The following PARD3 variants were observed in gnomAD, a reference collection of about 807,000 sequenced individuals.
PARD3 encodes partitioning defective 3 homolog.
A neutral mutation model predicts 155.4 loss-of-function variants in PARD3; 75 were observed. The ratio of observed to expected loss-of-function variants is 0.48; its 90% CI spans 0.40 to 0.58. The LOEUF is 0.58. Ranked by LOEUF, PARD3 falls within the 20% of genes least tolerant of loss-of-function variation. The pLI is 0.00. For synonymous variants in PARD3, 576 were observed against 610.5 expected (o/e 0.94, Z 0.83); for missense variants, 1,642 against 1,721.7 (o/e 0.95, Z 0.82).
chr10:34,136,522 G>A (rs984128830), intron 22 of PARD3, among the ~76,000 whole-genome samples: 2 of 151,930 alleles, frequency 1.3e-5, no homozygotes, highest in African/African-American at 2.4e-5. Flanking sequence ...AGGTGGTCTC[G>A]GTATACACTA....
chr10:34,463,221 G>C (rs1366934969), intron 4 of PARD3, among the ~76,000 whole-genome samples: 1 of 136,834 alleles, frequency 7.3e-6, no homozygotes, highest in Non-Finnish European at 1.6e-5. Context: ...GGAAAGAAAA[G>C]GGGAAGGGGA....
chr10:34,765,773 C>G (rs571738951), intron 1 of PARD3, among the ~76,000 whole-genome samples: 2 of 152,128 alleles, frequency 1.3e-5, no homozygotes, highest in African/African-American at 2.4e-5. Flanking sequence ...AAGAAGAGAC[C>G]TTAATGGTAG....
intron 2 of PARD3, among the ~76,000 whole-genome samples, chr10:34,527,214 G>A (rs916417400): frequency 6.6e-6 from 1 of 152,206 alleles, no homozygotes; most frequent in Non-Finnish European, 1.5e-5. Context: ...GTCTAGAGAT[G>A]ATGCAGCAGG....
At chr10:34,505,613 A>T (rs111457248) in intron 3 of PARD3, among the ~76,000 whole-genome samples, 3,957 of 152,264 alleles carry the variant, frequency 0.026, 75 homozygotes, top group Middle Eastern at 0.048. Flanking sequence ...GACCCCCAAC[A>T]GGCAAGCCTT....
intron 2 of PARD3, among the ~76,000 whole-genome samples, chr10:34,627,365 C>T (rs928158849): frequency 4.6e-5 from 7 of 151,920 alleles, no homozygotes; most frequent in African/African-American, 7.3e-5. Flanking sequence ...TCCCCTCTCC[C>T]GACAAAAAAA....
At chr10:34,594,381 T>C (rs1025687465) in intron 2 of PARD3, among the ~76,000 whole-genome samples, 2 of 152,226 alleles carry the variant, frequency 1.3e-5, no homozygotes, top group Non-Finnish European at 2.9e-5. Context: ...ACTGCTGTTA[T>C]AAAGAAGTGA....
chr10:34,213,557 C>CAT (rs1951856213), intron 22 of PARD3, among the ~76,000 whole-genome samples: 1 of 152,330 alleles, frequency 6.6e-6, no homozygotes, highest in South Asian at 2.1e-4. Flanking sequence ...GCCTATTGGT[C>CAT]TAACTTGACT....
chr10:34,539,605 G>A (rs902245503), intron 2 of PARD3, among the ~76,000 whole-genome samples: 1 of 152,162 alleles, frequency 6.6e-6, no homozygotes, highest in Non-Finnish European at 1.5e-5. Flanking sequence ...AGGTTGCAGT[G>A]AGCCGAGATC....
At chr10:34,158,142 G>T (rs983218215) in intron 22 of PARD3, among the ~76,000 whole-genome samples, 5 of 152,176 alleles carry the variant, frequency 3.3e-5, no homozygotes, top group African/African-American at 1.2e-4. Context: ...ACTTTAGGAG[G>T]TTGAGGCAGG....
rs1564749769 is a variant in PARD3 at position 34,470,854 on chromosome 10, A to G, written c.404-591T>C. Reference sequence around the variant, plus strand: ...ACAAATAATTTATTGTATATTTCAAAGTAGCTAGAAGAGAGGATTTGAAAT... The same window carrying G: ...ACAAATAATTTATTGTATATTTCAAGGTAGCTAGAAGAGAGGATTTGAAAT... On this transcript the variant is annotated intron_variant, in intron 3 of 24. Coordinates refer to ENST00000374788, the MANE Select transcript of PARD3 (RefSeq NM_001184785.2). 4.6e-5 allele frequency among the ~76,000 whole-genome samples: 7 copies of G among 152,324 alleles called. No individual in the cohort carries two copies. The South Asian group carries it at 1.5e-3, about 32-fold the overall frequency.
intron 22 of PARD3, among the ~76,000 whole-genome samples, chr10:34,261,751 AG>A (rs1486449992): frequency 4.7e-5 from 4 of 84,742 alleles, no homozygotes; most frequent in East Asian, 2.7e-4. Flanking sequence ...GAAGAAAGGA[AG>A]GAAGAAAGGA....
intron 20 of PARD3, among the ~76,000 whole-genome samples, chr10:34,301,849 C>T (rs1451565058): frequency 8.8e-6 from 1 of 114,232 alleles, no homozygotes; most frequent in Non-Finnish European, 1.7e-5. Flanking sequence ...AACATCAAAT[C>T]AAATAAGCAA....
At chr10:34,288,873 A>G (rs924387696) in intron 20 of PARD3, among the ~76,000 whole-genome samples, 1 of 152,224 alleles carries the variant, frequency 6.6e-6, no homozygotes, top group African/African-American at 2.4e-5. Flanking sequence ...ACTACCCAGC[A>G]GGTGTCAGGC....
At chr10:34,151,372 C>T (rs530148188) in intron 22 of PARD3, among the ~76,000 whole-genome samples, 4 of 151,884 alleles carry the variant, frequency 2.6e-5, no homozygotes, top group Admixed American at 6.6e-5. Context: ...TGGCTTTAGT[C>T]GATGTTTGGA....
chr10:34,507,580 G>C (rs2081164521), intron 3 of PARD3, among the ~76,000 whole-genome samples: 1 of 137,922 alleles, frequency 7.3e-6, no homozygotes, highest in Non-Finnish European at 1.5e-5. Flanking sequence ...GAGATACTTT[G>C]TGGGCAAAAA....
In PARD3 at chr10:34,570,968, C is replaced by T. The variant is rs116178524; in HGVS notation, c.223-53809G>A. ...ATATAAAACTACTCTCCTGCAACAACATGTGGAAGGGGCAGAACTACACAT... is the reference window on the plus strand; with the variant it reads ...ATATAAAACTACTCTCCTGCAACAATATGTGGAAGGGGCAGAACTACACAT... On this transcript the variant is annotated intron_variant, in intron 2 of 24. Transcript: ENST00000374788. Among the ~76,000 whole-genome samples, 201 of 152,248 alleles carry T rather than the reference C, an allele frequency of 1.3e-3. 1 individual carries two copies. Among genetic ancestry groups the T allele is most frequent in the African/African-American group, 4.5e-3 (186 of 41,540 alleles).
intron 1 of PARD3, among the ~76,000 whole-genome samples, chr10:34,702,846 A>G (rs964037404): frequency 1.3e-5 from 2 of 152,184 alleles, no homozygotes; most frequent in African/African-American, 4.8e-5. Flanking sequence ...AGAGCCAACC[A>G]TGGAGAGACA....
chr10:34,627,419 T>C (rs572775419), intron 2 of PARD3, among the ~76,000 whole-genome samples: 1 of 152,324 alleles, frequency 6.6e-6, no homozygotes, highest in South Asian at 2.1e-4. Context: ...GTGACCTTAC[T>C]TGGAGATCGG....
At chr10:34,496,379 G>C (rs1219328754) in intron 3 of PARD3, among the ~76,000 whole-genome samples, 1 of 152,054 alleles carries the variant, frequency 6.6e-6, no homozygotes, top group Non-Finnish European at 1.5e-5. Context: ...ACTAAATAAA[G>C]GAATTACAGT....
Sources: gnomAD v4.1 joint callset for allele counts (sites outside exome capture counted in the v4.1 genomes callset) on GRCh38, gnomAD v4.1.1 for gene constraint, MANE v1.5 for transcripts, NCBI Gene and HGNC (gene_info 2026-07-23, HGNC 2026-07-21) for gene names.